Variants in NMT2 observed in about 807,000 individuals in gnomAD.
NMT2 encodes glycylpeptide N-tetradecanoyltransferase 2.
A neutral mutation model predicts 65.4 loss-of-function variants in NMT2; 35 were observed. That is an observed-to-expected ratio of 0.54 (90% CI 0.41 to 0.71). The LOEUF is 0.71. Among genes scored for constraint, NMT2 ranks in the 30% least tolerant of loss-of-function variants. NMT2 has a pLI of 0.00. For synonymous variants in NMT2, 226 were observed against 231.8 expected (o/e 0.98, Z 0.23); for missense variants, 489 against 611.3 (o/e 0.80, Z 2.11).
chr10:15,134,125 A>C (rs1441295132), intron 3 of NMT2, among the ~76,000 whole-genome samples: 2 of 152,226 alleles, frequency 1.3e-5, no homozygotes, highest in Non-Finnish European at 2.9e-5. Context: ...AAAACCTAAA[A>C]ATAATTTCAA....
chr10:15,134,933 C>CA (rs1485531299), intron 3 of NMT2, among the ~76,000 whole-genome samples: 5 of 152,088 alleles, frequency 3.3e-5, no homozygotes, highest in African/African-American at 1.2e-4. Context: ...CTGCAGTGAG[C>CA]TATGATCATG....
Position 15,109,159 on chromosome 10 carries a change from T to C in NMT2, c.*36A>G. 6.2e-7 allele frequency: 1 copy of C among 1,600,594 alleles called. No individual in the cohort carries two copies. Among genetic ancestry groups the C allele is most frequent in the Non-Finnish European group, 8.5e-7 (1 of 1,176,236 alleles). The stretch of plus-strand genomic sequence containing the variant: ...CCAGAAATCATTAAATATTAACAAA[T>C]GATGATGTCAGAGTTCTAGAAATAA... On this transcript the variant is annotated 3_prime_UTR_variant, in exon 12 of 12. Coordinates refer to ENST00000378165, the MANE Select transcript of NMT2 (RefSeq NM_004808.3).
At position 15,130,148 on chromosome 10, in the gene NMT2, G is replaced by C; in HGVS notation, c.884C>G (p.Thr295Arg). 2 of 1,508,768 alleles carry C rather than the reference G, an allele frequency of 1.3e-6. No individual in the cohort carries two copies. Among genetic ancestry groups the C allele is most frequent in the Middle Eastern group, 1.8e-4 (1 of 5,674 alleles). The allele number at this position is 1,508,768 out of a possible 1,614,324, so 93.5% of individuals were successfully genotyped here. The change falls in exon 7 of 12, where the codon ACA becomes AGA. Residue 295 changes from threonine to arginine, a missense_variant. Physicochemically the swap from Thr to Arg is moderately conservative, Grantham distance 71 (BLOSUM62 -1). Coordinates refer to ENST00000378165, the MANE Select transcript of NMT2 (RefSeq NM_004808.3). ...AGVVLPKPIA[T>R]CRYWHRSLNP... ...AGAAATATGGTACTGGTACCTGCAT[G>C]TGGCTATGGGCTTAGGAAGAACCAC...
At chr10:15,168,038 G>C (rs1258604390) in intron 1 of NMT2, among the ~76,000 whole-genome samples, 2 of 152,208 alleles carry the variant, frequency 1.3e-5, no homozygotes, top group Non-Finnish European at 2.9e-5. Flanking sequence ...ATTCTTTTCG[G>C]GTGGCGGCTG....
intron 1 of NMT2, among the ~76,000 whole-genome samples, chr10:15,159,396 ATATTTATTTATTTATT>A (rs112463294): frequency 6.7e-6 from 1 of 149,214 alleles, no homozygotes; most frequent in Non-Finnish European, 1.5e-5. Context: ...CCTCCTTAAA[ATATTTATTTATTTATT>A]TATTTATTTA....
chr10:15,125,433 A>C (rs1221301797), intron 8 of NMT2, among the ~76,000 whole-genome samples: 7 of 152,226 alleles, frequency 4.6e-5, no homozygotes, highest in African/African-American at 9.6e-5. Flanking sequence ...TAGCACTTTA[A>C]GAAAATCATT....
intron 11 of NMT2, 88 bp from the exon 12 acceptor site, chr10:15,109,303 C>A: frequency 6.6e-7 from 1 of 1,511,122 alleles, no homozygotes; most frequent in Non-Finnish European, 8.9e-7. Flanking sequence ...TGTCTTAAGG[C>A]TCAGCTCACA....
intron 1 of NMT2, among the ~76,000 whole-genome samples, chr10:15,164,964 G>A (rs1011983940): frequency 3.9e-5 from 6 of 152,164 alleles, no homozygotes; most frequent in Admixed American, 3.9e-4. Context: ...AGGAGTTTGA[G>A]ACCAGCCTAA....
At chr10:15,144,672 A>T (rs1226491716) in intron 1 of NMT2, among the ~76,000 whole-genome samples, 1 of 152,134 alleles carries the variant, frequency 6.6e-6, no homozygotes, top group East Asian at 1.9e-4. Context: ...CGGAGCTTGC[A>T]GTGAGCCGAG....
intron 8 of NMT2, among the ~76,000 whole-genome samples, chr10:15,123,803 A>C (rs573113630): frequency 6.6e-6 from 1 of 152,316 alleles, no homozygotes; most frequent in East Asian, 1.9e-4. Context: ...ACTAATATGC[A>C]TGATTCATGG....
chr10:15,107,278 A>G lies in NMT2; in HGVS notation c.*1917T>C. The G allele has an allele frequency of 2.2e-6, 2 of 920,678 alleles. No homozygotes were observed. The highest frequency in any genetic ancestry group is 2.6e-6 in the Non-Finnish European group (2 of 770,928). 57.0% of individuals were successfully genotyped at this position (920,678 alleles called of 1,614,324 possible). On this transcript the variant is annotated 3_prime_UTR_variant, in exon 12 of 12. Transcript: ENST00000378165. ...ACATTCTTAGCCTGTGGGCTACACA[A>G]AAATAAGCAATGGGCTGGATTTAGC... is the stretch of plus-strand genomic sequence containing the variant.
At chr10:15,130,988 C>A (rs1181552171) in intron 6 of NMT2, among the ~76,000 whole-genome samples, 3 of 151,950 alleles carry the variant, frequency 2.0e-5, no homozygotes. Context: ...CAGGGTTTCA[C>A]CATGTTGGCT....
At chr10:15,121,693 C>T (rs532206783) in intron 8 of NMT2, among the ~76,000 whole-genome samples, 2 of 152,232 alleles carry the variant, frequency 1.3e-5, no homozygotes, top group African/African-American at 2.4e-5. Flanking sequence ...CTCTTGAGTG[C>T]CAGCTGTCAT....
chr10:15,112,955 G>A lies in NMT2; in HGVS notation c.1179C>T (p.Asn393=), dbSNP rs200193409. Residue 393 remains asparagine, a synonymous_variant, in exon 10 of 12, where the codon AAC becomes AAT. Transcript: ENST00000378165. ...AGCTCAGGAAATCAGTCAGTTTACC[G>A]TTGGGGCTCTAGGAGCAAAAGTGCT... ...IIDTFVVESP[N]GKLTDFLSFY... 1.6e-4 allele frequency: 259 copies of A among 1,614,030 alleles called. 1 individual carries two copies. The highest frequency in any genetic ancestry group is 1.4e-3 in the South Asian group (132 of 91,068).
chr10:15,155,309 G>C, intron 1 of NMT2: 1 of 1,283,260 alleles, frequency 7.8e-7, no homozygotes, highest in South Asian at 1.2e-5. Flanking sequence ...AGAACATGGT[G>C]GGGTTGACCA....
At chr10:15,142,038 T>C (rs1432131079) in intron 1 of NMT2, among the ~76,000 whole-genome samples, 6 of 152,148 alleles carry the variant, frequency 3.9e-5, no homozygotes, top group Non-Finnish European at 5.9e-5. Context: ...GGGCTAACAA[T>C]GAAAAGCTTT....
At chr10:15,135,191 T>TG (rs760176865) in intron 3 of NMT2, 83 bp downstream of exon 3, 15 of 1,187,862 alleles carry the variant, frequency 1.3e-5, no homozygotes, top group African/African-American at 2.1e-5. Flanking sequence ...ACTCTTTGTG[T>TG]TTTGTTGTTG....
At position 15,141,483 on chromosome 10, in the gene NMT2, C is replaced by A. The variant is rs951630954; in HGVS notation, c.185G>T (p.Gly62Val). ...AGATGCCGAGTCTGACTTGGTGCCTCCGGAATTTGGTTTCTCCTTTTTTCT... is the reference window on the plus strand; with the variant it reads ...AGATGCCGAGTCTGACTTGGTGCCTACGGAATTTGGTTTCTCCTTTTTTCT... ...QKRKKEKPNS[G>V]GTKSDSASDS... is the part of the protein sequence containing the mutation. The change falls in exon 2 of 12, where the codon GGA (glycine) becomes GTA (valine). Residue 62 changes from glycine to valine, a missense_variant. By Grantham distance (109) the Gly-to-Val change is moderately radical. Coordinates refer to ENST00000378165, the MANE Select transcript of NMT2 (RefSeq NM_004808.3). 1.9e-6 allele frequency: 3 copies of A among 1,614,092 alleles called. No individual in the cohort carries two copies. The African/African-American group carries it at 4.0e-5, about 22-fold the overall frequency.
intron 10 of NMT2, chr10:15,111,648 G>A (rs1376757122): frequency 2.0e-5 from 3 of 151,214 alleles, no homozygotes; most frequent in East Asian, 1.9e-4. Context: ...TATGCAAAAT[G>A]TGATATAGAA....
Sources: gnomAD v4.1 joint callset for allele counts (sites outside exome capture counted in the v4.1 genomes callset) on GRCh38, gnomAD v4.1.1 for gene constraint, MANE v1.5 for transcripts, NCBI Gene and HGNC (gene_info 2026-07-23, HGNC 2026-07-21) for gene names.